SLIT2: variants seen among roughly 807,000 people sequenced by gnomAD.
SLIT2 encodes slit guidance ligand 2, also known as slit homolog 2 protein.
A neutral mutation model predicts 185.7 loss-of-function variants in SLIT2; 41 were observed. The ratio of observed to expected loss-of-function variants is 0.22; its 90% CI spans 0.17 to 0.29. The LOEUF is 0.29. SLIT2 is among the 10% of genes least tolerant of loss of function. The probability of loss-of-function intolerance (pLI) is 1.00; values close to 1 mark genes in which losing one functional copy is unlikely to be tolerated. For missense variants in SLIT2, 1,571 were observed against 1,909.0 expected (o/e 0.82, Z 3.30); for synonymous variants, 693 against 680.2 (o/e 1.02, Z -0.29).
chr4:20,295,497 G>T (rs1393568133), intron 4 of SLIT2, among the ~76,000 whole-genome samples: 2 of 152,180 alleles, frequency 1.3e-5, no homozygotes, highest in Admixed American at 1.3e-4. Flanking sequence ...GGGCAGTGAA[G>T]TTACTGCTAA....
intron 15 of SLIT2, among the ~76,000 whole-genome samples, chr4:20,526,132 T>G (rs551084849): frequency 6.6e-6 from 1 of 152,294 alleles, no homozygotes; most frequent in South Asian, 2.1e-4. Context: ...TCTACAGCGT[T>G]AGTGTACAGA....
At chr4:20,351,781 T>A (rs905953848) in intron 4 of SLIT2, among the ~76,000 whole-genome samples, 7 of 152,156 alleles carry the variant, frequency 4.6e-5, no homozygotes, top group Non-Finnish European at 7.4e-5. Flanking sequence ...AATAGTGTGT[T>A]AATGGGGTGC....
chr4:20,395,105 A>G (rs1034150630), intron 4 of SLIT2, among the ~76,000 whole-genome samples: 1 of 152,052 alleles, frequency 6.6e-6, no homozygotes, highest in Non-Finnish European at 1.5e-5. Context: ...TTTACCTTAA[A>G]TAGATGACCA....
Position 20,523,029 on chromosome 4 carries a change from G to T in SLIT2, c.1131-731G>T, listed in dbSNP as rs1194076241. On this transcript the variant is annotated intron_variant, in intron 12 of 36. Coordinates refer to ENST00000504154, the MANE Select transcript of SLIT2 (RefSeq NM_004787.4). The stretch of plus-strand genomic sequence containing the variant: ...ATTGAGAGTGCTAGGGGTTGGGAAG[G>T]GGTCAAAGACAGCCTGCATGTATTA... 5.3e-5 allele frequency among the ~76,000 whole-genome samples: 8 copies of T among 152,258 alleles called. No individual in the cohort carries two copies. In the South Asian group the frequency reaches 1.7e-3, roughly 32 times the overall value.
At position 20,283,875 on chromosome 4, in the gene SLIT2, A is replaced by G. The variant is rs376649543; in HGVS notation, c.395+14994A>G. 1.2e-4 allele frequency among the ~76,000 whole-genome samples: 18 copies of G among 152,266 alleles called. 2 individuals carry two copies. In the South Asian group the frequency reaches 3.7e-3, roughly 32 times the overall value. ...AATCAGTTTTGGCTCCCTCTTCTTA[A>G]AGAAGCAGAATACCCAAACCCTCCC... On this transcript the variant is annotated intron_variant, in intron 4 of 36. Transcript: ENST00000504154.
At chr4:20,510,404 A>G (rs778089517) in intron 9 of SLIT2, 91 bp from the exon 10 acceptor site, 136 of 837,770 alleles carry the variant, frequency 1.6e-4, no homozygotes, top group Admixed American at 2.4e-4. Flanking sequence ...AAGAACATCA[A>G]CTTTACTTCT....
Position 20,358,001 on chromosome 4 carries a change from A to G in SLIT2, c.395+89120A>G, listed in dbSNP as rs1001754946. On this transcript the variant is annotated intron_variant, in intron 4 of 36. Transcript: ENST00000504154. ...TATGTGGATTTTAATTGTTACATAA[A>G]TGCATTTTATGGTTATTTATAACAT... Among the ~76,000 whole-genome samples, 3 of 152,124 alleles carry G rather than the reference A, an allele frequency of 2.0e-5. No individual in the cohort carries two copies. In the South Asian group the frequency reaches 6.2e-4, roughly 31 times the overall value.
chr4:20,269,053 AGTT>A (rs936384322), intron 4 of SLIT2, among the ~76,000 whole-genome samples, 172 bp downstream of exon 4: 1 of 151,742 alleles, frequency 6.6e-6, no homozygotes, highest in African/African-American at 2.4e-5. Flanking sequence ...TAGTGGTTCC[AGTT>A]GTTTTATTTG....
chr4:20,417,421 T>C (rs1381698408), intron 4 of SLIT2, among the ~76,000 whole-genome samples: 5 of 137,970 alleles, frequency 3.6e-5, no homozygotes, highest in African/African-American at 8.1e-5. Flanking sequence ...CGCAATCATA[T>C]ATATATGTGT....
chr4:20,332,249 C>T (rs573219392), intron 4 of SLIT2, among the ~76,000 whole-genome samples: 60 of 152,196 alleles, frequency 3.9e-4, no homozygotes, highest in African/African-American at 1.4e-3. Flanking sequence ...CTGGCAAGAA[C>T]AGAACTTTTA....
At chr4:20,278,138 A>G (rs1714349128) in intron 4 of SLIT2, among the ~76,000 whole-genome samples, 1 of 152,116 alleles carries the variant, frequency 6.6e-6, no homozygotes, top group Admixed American at 6.5e-5. Flanking sequence ...AATCTTTCTT[A>G]ATTTTTCCAG....
chr4:20,452,009 C>T (rs1712528534), intron 4 of SLIT2, among the ~76,000 whole-genome samples: 1 of 152,164 alleles, frequency 6.6e-6, no homozygotes, highest in Non-Finnish European at 1.5e-5. Flanking sequence ...AATTTTGTCT[C>T]ATTGAAATCA....
intron 4 of SLIT2, among the ~76,000 whole-genome samples, chr4:20,401,546 G>T (rs749616126): frequency 1.3e-5 from 2 of 151,780 alleles, no homozygotes; most frequent in Non-Finnish European, 2.9e-5. Flanking sequence ...CAGCAAATCT[G>T]CATGCTTAGC....
intron 4 of SLIT2, among the ~76,000 whole-genome samples, chr4:20,295,267 G>A (rs902325662): frequency 6.6e-6 from 1 of 152,178 alleles, no homozygotes; most frequent in Non-Finnish European, 1.5e-5. Flanking sequence ...TTAAAGCAAG[G>A]ATGATAAAGA....
intron 18 of SLIT2, among the ~76,000 whole-genome samples, chr4:20,536,773 CTTATA>C (rs776443884): frequency 3.3e-5 from 5 of 151,268 alleles, no homozygotes; most frequent in Non-Finnish European, 5.9e-5. Context: ...TTTTTTTACT[CTTATA>C]TTTATATAAG....
Position 20,404,091 on chromosome 4 carries a change from CATT to C in SLIT2, c.396-63660_396-63658del, listed in dbSNP as rs1475943544. Reference sequence around the variant, plus strand: ...AGCCTTTACAATTTTTCAGTTGCATCATTGTTTCATTAGTGTGTGCATTCTTAG... The same window carrying C: ...AGCCTTTACAATTTTTCAGTTGCATCGTTTCATTAGTGTGTGCATTCTTAG... On this transcript the variant is annotated intron_variant, in intron 4 of 36. Transcript: ENST00000504154. Among the ~76,000 whole-genome samples, 10 of 152,010 alleles carry C rather than the reference CATT, an allele frequency of 6.6e-5. No individual in the cohort carries two copies. The South Asian group carries it at 2.1e-3, about 32-fold the overall frequency.
intron 4 of SLIT2, among the ~76,000 whole-genome samples, chr4:20,355,082 C>T (rs1021209124): frequency 2.0e-5 from 3 of 152,016 alleles, no homozygotes; most frequent in African/African-American, 7.2e-5. Context: ...TTAAAGTTAT[C>T]AAGTTTTGGT....
Position 20,432,327 on chromosome 4 carries a change from G to A in SLIT2, c.396-35425G>A, listed in dbSNP as rs187994805. Among the ~76,000 whole-genome samples, 7 of 152,246 alleles carry A rather than the reference G, an allele frequency of 4.6e-5. No individual in the cohort carries two copies. The South Asian group carries it at 8.3e-4, about 18-fold the overall frequency. On this transcript the variant is annotated intron_variant, in intron 4 of 36. Transcript: ENST00000504154. The stretch of plus-strand genomic sequence containing the variant: ...TGACTAATAGGATTAGGGGCGTTAC[G>A]AAGGGATTTGAACAAGATAATTAGT...
intron 29 of SLIT2, among the ~76,000 whole-genome samples, chr4:20,570,075 C>A (rs558961535): frequency 6.6e-6 from 1 of 152,114 alleles, no homozygotes; most frequent in East Asian, 1.9e-4. Context: ...TAATGAGGCT[C>A]GGTTTTGGCA....
Sources: allele counts gnomAD v4.1 joint callset (sites outside exome capture counted in the v4.1 genomes callset), GRCh38; gene constraint gnomAD v4.1.1; transcripts MANE v1.5; gene names NCBI Gene and HGNC (gene_info 2026-07-23, HGNC 2026-07-21).